Variants in ZFYVE9 observed in about 807,000 individuals in gnomAD.
ZFYVE9 encodes the protein zinc finger FYVE-type containing 9, also known as zinc finger FYVE domain-containing protein 9.
A neutral mutation model predicts 126.7 loss-of-function variants in ZFYVE9; 43 were observed. The ratio of observed to expected loss-of-function variants is 0.34; its 90% CI spans 0.27 to 0.44. The LOEUF is 0.44. ZFYVE9 is among the 20% of genes least tolerant of loss of function. ZFYVE9 has a pLI of 1.00. For synonymous variants in ZFYVE9, 521 were observed against 597.4 expected (o/e 0.87, Z 1.87); for missense variants, 1,476 against 1,697.0 (o/e 0.87, Z 2.29).
chr1:52,234,036 C>T (rs941074378), intron 3 of ZFYVE9, among the ~76,000 whole-genome samples: 14 of 152,084 alleles, frequency 9.2e-5, no homozygotes, highest in African/African-American at 1.9e-4. Context: ...CCTCCTCAGC[C>T]GCCCAAAGTG....
intron 1 of ZFYVE9, among the ~76,000 whole-genome samples, chr1:52,182,026 C>T (rs57261252): frequency 0.036 from 5,376 of 150,504 alleles, 230 homozygotes; most frequent in African/African-American, 0.11. Context: ...CCCGGCCAGC[C>T]GCCCCGTCCG....
At chr1:52,208,480 G>A (rs184271381) in intron 1 of ZFYVE9, among the ~76,000 whole-genome samples, 8 of 151,388 alleles carry the variant, frequency 5.3e-5, no homozygotes, top group African/African-American at 1.9e-4. Context: ...GAGAAAACAT[G>A]GTTTAAGTCT....
intron 2 of ZFYVE9, among the ~76,000 whole-genome samples, chr1:52,230,640 C>G (rs761436093): frequency 2.6e-5 from 4 of 151,942 alleles, no homozygotes; most frequent in Non-Finnish European, 4.4e-5. Flanking sequence ...TGCTGGGGTA[C>G]CCTTGGCTGC....
intron 1 of ZFYVE9, among the ~76,000 whole-genome samples, chr1:52,177,095 G>A (rs1557439391): frequency 6.6e-6 from 1 of 151,986 alleles, no homozygotes; most frequent in Non-Finnish European, 1.5e-5. Context: ...CGCTCACGCT[G>A]GGAGCTGTAG....
chr1:52,316,273 G>T (rs1014078006), intron 13 of ZFYVE9, among the ~76,000 whole-genome samples: 2 of 151,486 alleles, frequency 1.3e-5, no homozygotes, highest in African/African-American at 4.9e-5. Flanking sequence ...ATCACCTGAG[G>T]TCAGGCGTGT....
intron 1 of ZFYVE9, among the ~76,000 whole-genome samples, chr1:52,201,200 G>T (rs1343318187): frequency 1.3e-5 from 2 of 151,994 alleles, no homozygotes; most frequent in African/African-American, 4.8e-5. Context: ...TGAACATATT[G>T]TGTTATATTT....
chr1:52,303,647 G>A (rs750116100), intron 12 of ZFYVE9, among the ~76,000 whole-genome samples, 174 bp from the exon 13 acceptor site: 31 of 152,162 alleles, frequency 2.0e-4, no homozygotes, highest in Admixed American at 5.9e-4. Flanking sequence ...AGAGTTTAAA[G>A]ACTAAAGAGC....
intron 2 of ZFYVE9, among the ~76,000 whole-genome samples, chr1:52,225,286 C>T (rs116350311): frequency 0.02 from 3,115 of 152,240 alleles, 91 homozygotes; most frequent in African/African-American, 0.069. Flanking sequence ...GCCACCACAA[C>T]GAGGCAGTGG....
intron 1 of ZFYVE9, among the ~76,000 whole-genome samples, chr1:52,181,344 C>G (rs991995043): frequency 6.6e-6 from 1 of 152,232 alleles, no homozygotes; most frequent in Admixed American, 6.5e-5. Context: ...CTCGGCCTCC[C>G]GAGGTGCTGG....
At chr1:52,207,011 A>C (rs1177609393) in intron 1 of ZFYVE9, among the ~76,000 whole-genome samples, 1 of 152,228 alleles carries the variant, frequency 6.6e-6, no homozygotes, top group Non-Finnish European at 1.5e-5. Flanking sequence ...TGGGGAGGGC[A>C]ATCCGGTGTA....
chr1:52,291,422 C>T (rs761720877), intron 10 of ZFYVE9, among the ~76,000 whole-genome samples: 1 of 152,178 alleles, frequency 6.6e-6, no homozygotes. Context: ...AAAGGAAGCT[C>T]GTACTTGGCT....
rs139949846 is a variant in ZFYVE9 at position 52,271,960 on chromosome 1, C to T, written c.2626-2504C>T. 9.7e-3 allele frequency among the ~76,000 whole-genome samples: 1,475 copies of T among 152,228 alleles called. 20 individuals are homozygous for T. The highest frequency in any genetic ancestry group is 0.033 in the African/African-American group (1,372 of 41,530). ...GCTTGAGTGATTCTCCTGCCTCAGC[C>T]TCCTGGGTAGCTGGGATTACAGGCG... On this transcript the variant is annotated intron_variant, in intron 7 of 18. Transcript: ENST00000287727.
At chr1:52,180,594 G>A in intron 1 of ZFYVE9, 1 of 578,422 alleles carries the variant, frequency 1.7e-6, no homozygotes, top group Non-Finnish European at 3.1e-6. Flanking sequence ...AAATTGTCTG[G>A]ATTTTTTAAA....
chr1:52,298,106 T>G (rs1645996180), intron 12 of ZFYVE9, among the ~76,000 whole-genome samples: 2 of 152,238 alleles, frequency 1.3e-5, no homozygotes, highest in African/African-American at 4.8e-5. Context: ...GGTTGTGTCT[T>G]CACTCTGTTA....
chr1:52,172,059 A>T (rs1006719540), intron 1 of ZFYVE9, among the ~76,000 whole-genome samples: 15 of 152,020 alleles, frequency 9.9e-5, no homozygotes, highest in East Asian at 1.9e-4. Context: ...GGTGTTTTAG[A>T]CATGAAGTCC....
At chr1:52,294,895 T>G (rs1253125923) in intron 11 of ZFYVE9, among the ~76,000 whole-genome samples, 1 of 152,178 alleles carries the variant, frequency 6.6e-6, no homozygotes, top group Non-Finnish European at 1.5e-5. Context: ...GGATCCTGGT[T>G]AGGAGGTATA....
chr1:52,227,764 ACT>A (rs1645183069), intron 2 of ZFYVE9, among the ~76,000 whole-genome samples: 1 of 152,042 alleles, frequency 6.6e-6, no homozygotes, highest in Non-Finnish European at 1.5e-5. Flanking sequence ...TTTTATTGGC[ACT>A]CTATTCCATC....
At chr1:52,227,188 T>C (rs1375910655) in intron 2 of ZFYVE9, among the ~76,000 whole-genome samples, 1 of 152,246 alleles carries the variant, frequency 6.6e-6, no homozygotes, top group Non-Finnish European at 1.5e-5. Context: ...ACTGAGCCAC[T>C]TTTCTCTTCA....
intron 7 of ZFYVE9, among the ~76,000 whole-genome samples, chr1:52,271,443 C>T (rs1374188962): frequency 1.3e-5 from 2 of 152,102 alleles, no homozygotes; most frequent in Non-Finnish European, 2.9e-5. Flanking sequence ...TATTATTATA[C>T]TTTAAGTTCT....
Sources: allele counts gnomAD v4.1 joint callset (sites outside exome capture counted in the v4.1 genomes callset), GRCh38; gene constraint gnomAD v4.1.1; transcripts MANE v1.5; gene names NCBI Gene and HGNC (gene_info 2026-07-23, HGNC 2026-07-21).